Variants in PCNX2 observed in about 807,000 individuals in gnomAD.
The protein encoded by PCNX2 is pecanex-like protein 2.
PCNX2 carries 168 observed loss-of-function variants against 223.8 expected under a neutral mutation model. That is an observed-to-expected ratio of 0.75 (90% CI 0.66 to 0.85). PCNX2 has a LOEUF of 0.85. PCNX2 is among the 40% of genes least tolerant of loss of function. PCNX2 has a pLI of 0.00. For synonymous variants in PCNX2, 1,006 were observed against 1,052.6 expected (o/e 0.96, Z 0.86); for missense variants, 2,507 against 2,675.5 (o/e 0.94, Z 1.39).
chr1:233,147,120 G>A (rs1677500696), intron 19 of PCNX2, among the ~76,000 whole-genome samples: 1 of 152,204 alleles, frequency 6.6e-6, no homozygotes, highest in Non-Finnish European at 1.5e-5. Context: ...GGGTGTGTGT[G>A]TGAGCACGTG....
At chr1:233,289,441 T>A in intron 1 of PCNX2, 1 of 1,388,184 alleles carries the variant, frequency 7.2e-7, no homozygotes, top group Non-Finnish European at 1.0e-6. Flanking sequence ...GCGCTCGTAC[T>A]GAACATGGCC....
At chr1:233,030,119 G>A (rs564690626) in intron 25 of PCNX2, among the ~76,000 whole-genome samples, 2 of 152,200 alleles carry the variant, frequency 1.3e-5, no homozygotes, top group South Asian at 2.1e-4. Flanking sequence ...GTCTCTGTAA[G>A]TTTTCTTTAG....
intron 1 of PCNX2, chr1:233,289,478 C>T (rs900356842): frequency 5.1e-5 from 49 of 967,854 alleles, no homozygotes; most frequent in African/African-American, 2.7e-4. Flanking sequence ...TGCCGAGCGC[C>T]GGCTTAGGAA....
At chr1:233,015,931 G>A (rs1348759474) in intron 27 of PCNX2, among the ~76,000 whole-genome samples, 25 of 151,416 alleles carry the variant, frequency 1.7e-4, no homozygotes, top group Non-Finnish European at 1.8e-4. Flanking sequence ...GTGGGGAGAT[G>A]CAGAGGAAAT....
chr1:233,199,522 A>G (rs937805407), intron 14 of PCNX2, among the ~76,000 whole-genome samples: 3 of 151,976 alleles, frequency 2.0e-5, no homozygotes, highest in Non-Finnish European at 4.4e-5. Context: ...ACATGATTTC[A>G]TTTACTCTTT....
intron 27 of PCNX2, 179 bp downstream of exon 27, chr1:233,016,742 T>C: frequency 1.0e-6 from 1 of 970,528 alleles, no homozygotes; most frequent in Non-Finnish European, 1.2e-6. Flanking sequence ...GGAGACATGG[T>C]ATATTGATTC....
At chr1:233,186,003 C>A (rs926378461) in intron 15 of PCNX2, among the ~76,000 whole-genome samples, 2 of 152,172 alleles carry the variant, frequency 1.3e-5, no homozygotes, top group African/African-American at 2.4e-5. Flanking sequence ...ATGCATAGGG[C>A]AGTCCGGCTT....
chr1:233,213,177 G>A (rs945646157), intron 12 of PCNX2, among the ~76,000 whole-genome samples: 7 of 152,100 alleles, frequency 4.6e-5, no homozygotes, highest in Non-Finnish European at 1.0e-4. Flanking sequence ...ATTTCTTCCA[G>A]TATCCACCTC....
chr1:233,314,577 T>C, the PCNX2 span, among the ~76,000 whole-genome samples: 2 of 152,014 alleles, frequency 1.3e-5, no homozygotes, highest in South Asian at 4.1e-4. Context: ...AAAAGTAGGG[T>C]TAGAATCCAT....
intron 8 of PCNX2, 53 bp downstream of exon 8, chr1:233,250,686 G>T: frequency 6.6e-7 from 1 of 1,525,694 alleles, no homozygotes; most frequent in Non-Finnish European, 8.8e-7. Context: ...CTTCATCGCT[G>T]TGTCTCCCAG....
chr1:233,083,384 C>G (rs1673451083), intron 23 of PCNX2, among the ~76,000 whole-genome samples: 1 of 152,152 alleles, frequency 6.6e-6, no homozygotes, highest in African/African-American at 2.4e-5. Context: ...GCAGGGGTAT[C>G]CAGGTGATAT....
chr1:233,102,579 G>A (rs916603992), intron 21 of PCNX2, among the ~76,000 whole-genome samples: 1 of 152,100 alleles, frequency 6.6e-6, no homozygotes, highest in Non-Finnish European at 1.5e-5. Context: ...GATGATAGCT[G>A]ATTGTGGTTT....
intron 19 of PCNX2, among the ~76,000 whole-genome samples, chr1:233,153,318 T>C (rs1677929806): frequency 6.6e-6 from 1 of 152,182 alleles, no homozygotes; most frequent in South Asian, 2.1e-4. Context: ...TTGCAGCAGG[T>C]TCCAGGAGGG....
Position 233,161,360 on chromosome 1 carries a change from C to T in PCNX2, c.3277G>A (p.Asp1093Asn). Residue 1093 changes from aspartate (D) to asparagine (N), a missense_variant, in exon 18 of 34, where the codon GAT becomes AAT. This residue lies in a region of PCNX2 where 1,372 missense variants were observed against 1,509.4 expected (regional missense o/e 0.91). Coordinates refer to ENST00000258229, the MANE Select transcript of PCNX2 (RefSeq NM_014801.4). ...LPKKMKDSVT[D>N]VLKWDLIVCA... The stretch of plus-strand genomic sequence containing the variant: ...ACGATGAGATCCCATTTTAAGACAT[C>T]CGTCTGGAAAGAGAAAACCAGCGGT... 3 of 1,613,554 alleles carry T rather than the reference C, an allele frequency of 1.9e-6. No homozygotes were observed. In the South Asian group the frequency reaches 3.3e-5, roughly 18 times the overall value.
intron 17 of PCNX2, among the ~76,000 whole-genome samples, chr1:233,169,875 GA>G (rs201713336): frequency 0.081 from 11,724 of 144,616 alleles, 647 homozygotes; most frequent in East Asian, 0.31. Flanking sequence ...TTTCTTGCTT[GA>G]AAAAAAAAAA....
intron 28 of PCNX2, among the ~76,000 whole-genome samples, chr1:233,007,733 T>C (rs947119622): frequency 4.0e-4 from 60 of 150,376 alleles, no homozygotes; most frequent in African/African-American, 1.4e-3. Context: ...AGAGACGGGG[T>C]TTCACCATGT....
intron 26 of PCNX2, among the ~76,000 whole-genome samples, chr1:233,019,835 C>T (rs10159312): frequency 0.13 from 19,499 of 152,000 alleles, 1,351 homozygotes; most frequent in Middle Eastern, 0.16. Flanking sequence ...GTCTCCTTGC[C>T]GGCTGGATCA....
intron 8 of PCNX2, chr1:233,241,265 G>A (rs1658746606): frequency 1.0e-6 from 1 of 985,404 alleles, no homozygotes. Flanking sequence ...GGACCTGACT[G>A]CCATCATGTG....
At position 233,218,026 on chromosome 1, in the gene PCNX2, C is replaced by G. The variant is rs767105241; in HGVS notation, c.2658+5G>C. 1 of 1,610,366 alleles carries G rather than the reference C, an allele frequency of 6.2e-7. No individual in the cohort carries two copies. The highest frequency in any genetic ancestry group is 8.5e-7 in the Non-Finnish European group (1 of 1,178,312). ...GCTACTGGTAAGAATTAGATGTGGT[C>G]TTGCCTTTAGCAGGGAGTACTGGCA... is the stretch of plus-strand genomic sequence containing the variant. On this transcript the variant is annotated splice_donor_5th_base_variant and intron_variant, in intron 11 of 33. Transcript: ENST00000258229.
Sources: allele counts gnomAD v4.1 joint callset (sites outside exome capture counted in the v4.1 genomes callset), GRCh38; gene constraint gnomAD v4.1.1; regional missense constraint gnomAD v4.1.1; transcripts MANE v1.5; gene names NCBI Gene and HGNC (gene_info 2026-07-23, HGNC 2026-07-21).